The following SLC8A1 variants were observed in gnomAD, a reference collection of about 807,000 sequenced individuals.
SLC8A1 encodes sodium/calcium exchanger 1.
Under a neutral mutation model 68.3 loss-of-function variants are expected in SLC8A1, and 18 were observed. The ratio of observed to expected loss-of-function variants is 0.26; its 90% CI spans 0.18 to 0.39. The LOEUF is 0.39. Ranked by LOEUF, SLC8A1 falls within the 10% of genes least tolerant of loss-of-function variation. The probability of loss-of-function intolerance (pLI) is 1.00; values close to 1 mark genes in which losing one functional copy is unlikely to be tolerated. For synonymous variants in SLC8A1, 475 were observed against 415.5 expected, an observed-to-expected ratio of 1.14 and a Z score of -1.74; for missense variants, 985 against 1,156.7, an observed-to-expected ratio of 0.85 and a Z score of 2.15.
chr2:40,441,396 A>G (rs1031879635), intron 1 of SLC8A1, among the ~76,000 whole-genome samples: 1 of 32,942 alleles, frequency 3.0e-5, no homozygotes, highest in Non-Finnish European at 4.1e-5. Flanking sequence ...ATAGAATTAG[A>G]AAAAAAAAAA....
chr2:40,402,291 G>C (rs927676796), intron 2 of SLC8A1, among the ~76,000 whole-genome samples: 1 of 152,158 alleles, frequency 6.6e-6, no homozygotes, highest in African/African-American at 2.4e-5. Context: ...AAGTTAACAT[G>C]TATGGTCTAA....
At chr2:40,294,433 A>T (rs928888241) in intron 2 of SLC8A1, among the ~76,000 whole-genome samples, 1 of 152,198 alleles carries the variant, frequency 6.6e-6, no homozygotes, top group Non-Finnish European at 1.5e-5. Flanking sequence ...TTTAGTGGCT[A>T]AGCTAGGGTT....
chr2:40,108,776 G>C (rs2034381671), exon 8 of SLC8A1: 1 of 152,110 alleles, frequency 6.6e-6, no homozygotes, highest in Non-Finnish European at 1.5e-5. Context: ...TAATTGGACT[G>C]TTCTTTCCAT....
chr2:40,396,927 G>C (rs925438017), intron 2 of SLC8A1, among the ~76,000 whole-genome samples: 1 of 152,042 alleles, frequency 6.6e-6, no homozygotes, highest in South Asian at 2.1e-4. Flanking sequence ...GGGGAGGTGG[G>C]CTTTGTCATT....
At chr2:40,440,336 A>G (rs1363938873) in intron 1 of SLC8A1, among the ~76,000 whole-genome samples, 3 of 152,182 alleles carry the variant, frequency 2.0e-5, no homozygotes, top group Admixed American at 6.5e-5. Context: ...GAGCCATTGA[A>G]AAAGGTAGAG....
At chr2:40,343,475 T>G (rs1190367318) in intron 2 of SLC8A1, among the ~76,000 whole-genome samples, 1 of 152,196 alleles carries the variant, frequency 6.6e-6, no homozygotes, top group East Asian at 1.9e-4. Context: ...TAAATTTACT[T>G]AGCACTTACT....
At chr2:40,315,737 T>C (rs1004912876) in intron 2 of SLC8A1, among the ~76,000 whole-genome samples, 3 of 152,194 alleles carry the variant, frequency 2.0e-5, no homozygotes, top group East Asian at 1.9e-4. Context: ...AGTGCAATCA[T>C]CTTGGAGACT....
At chr2:40,128,597 T>A (rs980918027) in intron 7 of SLC8A1, among the ~76,000 whole-genome samples, 4 of 152,148 alleles carry the variant, frequency 2.6e-5, no homozygotes, top group Non-Finnish European at 5.9e-5. Context: ...TGTCTATCAT[T>A]AAACATCAGG....
intron 2 of SLC8A1, among the ~76,000 whole-genome samples, chr2:40,363,652 A>C (rs540957758): frequency 6.6e-6 from 1 of 152,282 alleles, no homozygotes; most frequent in East Asian, 1.9e-4. Context: ...TTCTTAAAAT[A>C]TGCATGCAAA....
chr2:40,227,844 T>A (rs2059173405), intron 2 of SLC8A1, among the ~76,000 whole-genome samples: 1 of 151,998 alleles, frequency 6.6e-6, no homozygotes, highest in African/African-American at 2.4e-5. Context: ...ACAAGTTAGT[T>A]GTGTTGTTTA....
At chr2:40,170,447 C>G (rs1252316905) in intron 4 of SLC8A1, 98 bp from the exon 7 acceptor site, 2 of 990,074 alleles carry the variant, frequency 2.0e-6, no homozygotes, top group African/African-American at 3.2e-5. Flanking sequence ...CACCCAGATG[C>G]ACACATCACA....
At chr2:40,493,113 A>G (rs1450801786) in intron 1 of SLC8A1, among the ~76,000 whole-genome samples, 1 of 152,194 alleles carries the variant, frequency 6.6e-6, no homozygotes, top group Non-Finnish European at 1.5e-5. Context: ...CAACAATAAT[A>G]GACTGAATTA....
At chr2:40,466,038 TTGTGGACTTTC>T (rs1703650933) in intron 1 of SLC8A1, among the ~76,000 whole-genome samples, 3 of 152,162 alleles carry the variant, frequency 2.0e-5, no homozygotes, top group Non-Finnish European at 4.4e-5. Flanking sequence ...AGCACCTTGA[TTGTGGACTTTC>T]CATCCTCCAT....
intron 2 of SLC8A1, among the ~76,000 whole-genome samples, chr2:40,261,955 G>A (rs1053460902): frequency 5.4e-5 from 8 of 148,990 alleles, no homozygotes; most frequent in African/African-American, 2.0e-4. Flanking sequence ...GACATGAAAT[G>A]TGTCTTTTCA....
At chr2:40,432,880 T>A (rs1172107201) in intron 1 of SLC8A1, among the ~76,000 whole-genome samples, 1 of 152,086 alleles carries the variant, frequency 6.6e-6, no homozygotes, top group Non-Finnish European at 1.5e-5. Context: ...AAATCTAATT[T>A]ATAAGTGATC....
intron 7 of SLC8A1, among the ~76,000 whole-genome samples, chr2:40,124,278 A>G (rs562474934): frequency 8.5e-5 from 13 of 152,196 alleles, no homozygotes; most frequent in Non-Finnish European, 1.8e-4. Flanking sequence ...GATCTAGACA[A>G]TACACCGAAG....
chr2:40,302,226 C>T (rs1290632421), intron 2 of SLC8A1, among the ~76,000 whole-genome samples: 1 of 151,900 alleles, frequency 6.6e-6, no homozygotes, highest in Non-Finnish European at 1.5e-5. Flanking sequence ...CCCTCACTTC[C>T]CTCCTACCCT....
chr2:40,297,238 T>C (rs146645429), intron 2 of SLC8A1, among the ~76,000 whole-genome samples: 392 of 152,326 alleles, frequency 2.6e-3, no homozygotes, highest in African/African-American at 8.7e-3. Flanking sequence ...ATAATAAATA[T>C]GTAATACATA....
At chr2:40,181,915 G>C (rs2148589630) in intron 2 of SLC8A1, among the ~76,000 whole-genome samples, 1 of 152,308 alleles carries the variant, frequency 6.6e-6, no homozygotes, top group South Asian at 2.1e-4. Context: ...TATGGGGTTG[G>C]TTTGGTGAAG....
Sources: allele counts gnomAD v4.1 joint callset (sites outside exome capture counted in the v4.1 genomes callset), GRCh38; gene constraint gnomAD v4.1.1; transcripts MANE v1.5; gene names NCBI Gene and HGNC (gene_info 2026-07-23, HGNC 2026-07-21).